The following CADM1 variants were observed in gnomAD, a reference collection of about 807,000 sequenced individuals.
CADM1 encodes cell adhesion molecule 1.
In CADM1, 15 loss-of-function variants were observed where a neutral mutation model predicts 53.1. That is an observed-to-expected ratio of 0.28 (90% CI 0.19 to 0.44). The LOEUF (loss-of-function observed/expected upper bound fraction) is 0.44, where lower values mean the gene tolerates loss of function less well. Among genes scored for constraint, CADM1 ranks in the 20% least tolerant of loss-of-function variants. The probability of loss-of-function intolerance (pLI) is 1.00; values close to 1 mark genes in which losing one functional copy is unlikely to be tolerated. For synonymous variants in CADM1, 281 were observed against 243.0 expected, an observed-to-expected ratio of 1.16 and a Z score of -1.45; for missense variants, 434 against 611.3, an observed-to-expected ratio of 0.71 and a Z score of 3.06.
At chr11:115,389,269 G>T (rs1448787770) in intron 1 of CADM1, among the ~76,000 whole-genome samples, 1 of 152,104 alleles carries the variant, frequency 6.6e-6, no homozygotes, top group Non-Finnish European at 1.5e-5. Context: ...CAGTAAGTTT[G>T]AAACGATTTC....
At chr11:115,290,641 AAC>A (rs1461410369) in intron 1 of CADM1, among the ~76,000 whole-genome samples, 1 of 152,204 alleles carries the variant, frequency 6.6e-6, no homozygotes, top group Non-Finnish European at 1.5e-5. Context: ...GACAAAATAA[AAC>A]ACACACTGAT....
rs556840046 is a variant in CADM1 at position 115,190,724 on chromosome 11, T to C, written c.1165+164A>G. ...ATATCGCTACCACAGAGAAAACAGG[T>C]GAGTGGGTGACCGGGGAGGAAGACA... On this transcript the variant is annotated intron_variant, in intron 10 of 11. Transcript: ENST00000331581. 370 of 562,078 alleles carry C rather than the reference T, an allele frequency of 6.6e-4. 6 individuals are homozygous for C. The South Asian group carries it at 8.2e-3, about 13-fold the overall frequency. The allele number at this position is 562,078 out of a possible 1,614,324, so 34.8% of individuals were successfully genotyped here.
intron 1 of CADM1, among the ~76,000 whole-genome samples, chr11:115,433,021 A>G (rs895140529): frequency 2.6e-5 from 4 of 152,148 alleles, no homozygotes; most frequent in African/African-American, 9.7e-5. Context: ...CCAACATCCA[A>G]CTTGTCAAGT....
intron 1 of CADM1, among the ~76,000 whole-genome samples, chr11:115,396,091 G>A (rs1193576661): frequency 6.6e-6 from 1 of 152,166 alleles, no homozygotes; most frequent in East Asian, 1.9e-4. Flanking sequence ...CCAGATACCA[G>A]ATGATGAAGG....
chr11:115,385,949 T>A (rs1946689934), intron 1 of CADM1, among the ~76,000 whole-genome samples: 1 of 152,246 alleles, frequency 6.6e-6, no homozygotes, highest in South Asian at 2.1e-4. Context: ...TTCCCTGCAT[T>A]GGGATTTCCT....
At chr11:115,499,742 G>A (rs2135444087) in intron 1 of CADM1, among the ~76,000 whole-genome samples, 1 of 152,164 alleles carries the variant, frequency 6.6e-6, no homozygotes, top group South Asian at 2.1e-4. Flanking sequence ...CTTCAAAATG[G>A]GATTTCACCA....
At chr11:115,499,678 C>A (rs1284603386) in intron 1 of CADM1, among the ~76,000 whole-genome samples, 1 of 152,232 alleles carries the variant, frequency 6.6e-6, no homozygotes, top group African/African-American at 2.4e-5. Context: ...GTTAACCTAG[C>A]CTTAGTTCAA....
At chr11:115,247,045 G>A (rs1354651525) in intron 1 of CADM1, among the ~76,000 whole-genome samples, 1 of 152,020 alleles carries the variant, frequency 6.6e-6, no homozygotes, top group Non-Finnish European at 1.5e-5. Context: ...CTGTATACAC[G>A]TTCTTGTTTA....
At chr11:115,280,663 C>T (rs1368095724) in intron 1 of CADM1, among the ~76,000 whole-genome samples, 1 of 152,224 alleles carries the variant, frequency 6.6e-6, no homozygotes, top group Non-Finnish European at 1.5e-5. Context: ...CCTCCTGCAA[C>T]AGCTACGACT....
intron 1 of CADM1, among the ~76,000 whole-genome samples, chr11:115,435,224 T>C (rs752452089): frequency 3.3e-5 from 5 of 152,046 alleles, no homozygotes; most frequent in Non-Finnish European, 7.3e-5. Flanking sequence ...AATTATGATA[T>C]GGTAAAGCTT....
At chr11:115,397,608 C>T (rs1947033869) in intron 1 of CADM1, 1 of 152,146 alleles carries the variant, frequency 6.6e-6, no homozygotes, top group Non-Finnish European at 1.5e-5. Context: ...GTTTCAGTCT[C>T]ATCATCTTTG....
intron 1 of CADM1, among the ~76,000 whole-genome samples, chr11:115,378,827 G>A (rs780282194): frequency 4.6e-5 from 7 of 152,188 alleles, no homozygotes; most frequent in East Asian, 3.9e-4. Context: ...GAAAGAGACC[G>A]TATGGCCCAC....
chr11:115,271,023 A>G (rs1260594501), intron 1 of CADM1, among the ~76,000 whole-genome samples: 1 of 152,196 alleles, frequency 6.6e-6, no homozygotes, highest in Admixed American at 6.5e-5. Context: ...TAGCATTTGT[A>G]AGAAGCAATC....
chr11:115,352,859 C>A (rs916560775), intron 1 of CADM1, among the ~76,000 whole-genome samples: 5 of 152,014 alleles, frequency 3.3e-5, no homozygotes, highest in African/African-American at 1.2e-4. Context: ...GATTTCCAGG[C>A]CAGGCAGTAC....
At chr11:115,286,112 G>A (rs1401867117) in intron 1 of CADM1, among the ~76,000 whole-genome samples, 2 of 152,154 alleles carry the variant, frequency 1.3e-5, no homozygotes. Context: ...AGAGGTGGTA[G>A]TTTAGATATG....
chr11:115,463,104 G>T (rs1948829506), intron 1 of CADM1, among the ~76,000 whole-genome samples: 1 of 152,058 alleles, frequency 6.6e-6, no homozygotes, highest in African/African-American at 2.4e-5. Flanking sequence ...TTTTAACACA[G>T]ACTCTCCCCA....
intron 1 of CADM1, among the ~76,000 whole-genome samples, chr11:115,384,918 G>T (rs1036347348): frequency 2.0e-5 from 3 of 152,108 alleles, no homozygotes; most frequent in Non-Finnish European, 4.4e-5. Context: ...TTCTTTGAGA[G>T]TCTTTAGATT....
chr11:115,299,039 A>C (rs901996017), intron 1 of CADM1, among the ~76,000 whole-genome samples: 6 of 152,206 alleles, frequency 3.9e-5, no homozygotes, highest in Non-Finnish European at 5.9e-5. Flanking sequence ...AGGTAATCTT[A>C]AATTGGGTTC....
At chr11:115,479,253 C>A (rs1438842624) in intron 1 of CADM1, among the ~76,000 whole-genome samples, 1 of 152,052 alleles carries the variant, frequency 6.6e-6, no homozygotes, top group African/African-American at 2.4e-5. Context: ...TATTCCTGAT[C>A]ATTGATCAGA....
Sources: allele counts gnomAD v4.1 joint callset (sites outside exome capture counted in the v4.1 genomes callset), GRCh38; gene constraint gnomAD v4.1.1; transcripts MANE v1.5; gene names NCBI Gene and HGNC (gene_info 2026-07-23, HGNC 2026-07-21).